TGFBR3: variants seen among roughly 807,000 people sequenced by gnomAD.
TGFBR3 encodes the protein transforming growth factor beta receptor type 3.
TGFBR3 carries 46 observed loss-of-function variants against 87.9 expected under a neutral mutation model. The ratio of observed to expected loss-of-function variants is 0.52; its 90% CI spans 0.41 to 0.67. TGFBR3 has a LOEUF of 0.67. Among genes scored for constraint, TGFBR3 ranks in the 30% least tolerant of loss-of-function variants. The probability of loss-of-function intolerance (pLI) is 0.00; values close to 1 mark genes in which losing one functional copy is unlikely to be tolerated. For missense variants in TGFBR3, 866 were observed against 1,041.9 expected (o/e 0.83, Z 2.32); for synonymous variants, 381 against 391.6 (o/e 0.97, Z 0.32).
chr1:91,881,925 G>A (rs1167311529), intron 1 of TGFBR3, among the ~76,000 whole-genome samples: 1 of 151,762 alleles, frequency 6.6e-6, no homozygotes, highest in African/African-American at 2.4e-5. Context: ...TGTGGTCCCC[G>A]CTACTCGGGA....
At chr1:91,850,579 G>C (rs1232852573) in intron 2 of TGFBR3, among the ~76,000 whole-genome samples, 2 of 152,052 alleles carry the variant, frequency 1.3e-5, no homozygotes, top group Non-Finnish European at 2.9e-5. Flanking sequence ...CCAGAAGTTT[G>C]AGACCAGCCT....
intron 3 of TGFBR3, among the ~76,000 whole-genome samples, chr1:91,789,641 T>C (rs1445354106): frequency 6.6e-6 from 1 of 152,218 alleles, no homozygotes. Flanking sequence ...GATTTCTGCT[T>C]TCACTTTTTC....
chr1:91,851,154 T>C (rs1196490668), intron 2 of TGFBR3, among the ~76,000 whole-genome samples: 1 of 152,158 alleles, frequency 6.6e-6, no homozygotes, highest in Admixed American at 6.5e-5. Flanking sequence ...TTAAAGATGT[T>C]TAAGAGCTGG....
chr1:91,684,711 T>C (rs1265674509), intron 16 of TGFBR3, among the ~76,000 whole-genome samples: 1 of 152,300 alleles, frequency 6.6e-6, no homozygotes, highest in East Asian at 1.9e-4. Flanking sequence ...AGAGTTAGTC[T>C]TCTCTTCGGC....
chr1:91,846,417 A>G (rs914026277), intron 2 of TGFBR3, among the ~76,000 whole-genome samples: 16 of 152,222 alleles, frequency 1.1e-4, no homozygotes, highest in Admixed American at 1.0e-3. Context: ...GGCCAGGCTG[A>G]GACCTGGCAG....
At chr1:91,854,532 G>A (rs1361981659) in intron 2 of TGFBR3, among the ~76,000 whole-genome samples, 1 of 151,796 alleles carries the variant, frequency 6.6e-6, no homozygotes, top group Admixed American at 6.6e-5. Context: ...CCTTCCTACA[G>A]CCCCCTATAA....
intron 1 of TGFBR3, among the ~76,000 whole-genome samples, chr1:91,879,206 T>G (rs1021948927): frequency 6.6e-6 from 1 of 151,826 alleles, no homozygotes; most frequent in East Asian, 1.9e-4. Flanking sequence ...GAGGCAGAGG[T>G]TGCAGTGAGC....
At chr1:91,738,424 G>C (rs144960944) in intron 4 of TGFBR3, among the ~76,000 whole-genome samples, 4 of 152,316 alleles carry the variant, frequency 2.6e-5, no homozygotes, top group Non-Finnish European at 5.9e-5. Context: ...CCCCATGAAT[G>C]GCTTAGGCCA....
chr1:91,887,553 G>A (rs1040109596), upstream of TGFBR3, among the ~76,000 whole-genome samples: 1 of 152,088 alleles, frequency 6.6e-6, no homozygotes, highest in Non-Finnish European at 1.5e-5. Context: ...GGCGTTAGCC[G>A]CTGCACCTGG....
chr1:91,821,175 C>G (rs1445494327), intron 2 of TGFBR3, among the ~76,000 whole-genome samples: 1 of 151,718 alleles, frequency 6.6e-6, no homozygotes, highest in Non-Finnish European at 1.5e-5. Flanking sequence ...ACTAAAAATA[C>G]AAACATTAGC....
chr1:91,832,879 A>C (rs185500580), intron 2 of TGFBR3, among the ~76,000 whole-genome samples: 9 of 152,010 alleles, frequency 5.9e-5, no homozygotes, highest in Non-Finnish European at 1.5e-5. Flanking sequence ...AAAATGGTAC[A>C]TGCCTGTAAT....
intron 2 of TGFBR3, among the ~76,000 whole-genome samples, chr1:91,815,119 T>C (rs1054621234): frequency 1.5e-4 from 23 of 152,192 alleles, no homozygotes; most frequent in African/African-American, 5.1e-4. Context: ...CTGGCCAACA[T>C]GGTGGAACCC....
chr1:91,728,740 G>A (rs1258753899), intron 6 of TGFBR3, among the ~76,000 whole-genome samples: 3 of 152,052 alleles, frequency 2.0e-5, no homozygotes, highest in East Asian at 3.9e-4. Context: ...TAGCTTACAC[G>A]CTTTGAAAGT....
chr1:91,707,087 G>T (rs2100747302), intron 14 of TGFBR3, among the ~76,000 whole-genome samples: 1 of 152,340 alleles, frequency 6.6e-6, no homozygotes, highest in East Asian at 1.9e-4. Flanking sequence ...TCTTCAAACA[G>T]CATAGTTGAG....
rs778674407 is a variant in TGFBR3, at chr1:91,727,641, C to G, written c.885+18G>C. ...TCATTTATCTAAACAAAACAAAAGA[C>G]ATGCTCCACCAACTTACAATAATTT... On this transcript the variant is annotated intron_variant, in intron 7 of 16. Transcript: ENST00000212355. 1 of 1,613,896 alleles carries G rather than the reference C, an allele frequency of 6.2e-7. No individual in the cohort carries two copies. Among genetic ancestry groups the G allele is most frequent in the African/African-American group, 1.3e-5 (1 of 74,930 alleles).
chr1:91,733,755 G>A (rs1202849105), intron 5 of TGFBR3, among the ~76,000 whole-genome samples: 1 of 152,180 alleles, frequency 6.6e-6, no homozygotes, highest in African/African-American at 2.4e-5. Flanking sequence ...AAAAAGGTCT[G>A]GCCAGGTGCG....
intron 12 of TGFBR3, among the ~76,000 whole-genome samples, chr1:91,715,385 G>A (rs1162207620): frequency 1.3e-5 from 2 of 152,208 alleles, no homozygotes; most frequent in African/African-American, 4.8e-5. Flanking sequence ...CGGCCTATGA[G>A]CACTGAATCT....
In TGFBR3 at chr1:91,695,728, G is replaced by T; in HGVS notation, c.2381C>A (p.Ala794Asp). Residue 794 changes from alanine (A) to aspartate (D), a missense_variant, in exon 16 of 17, where the codon GCC becomes GAC. Transcript: ENST00000212355. ...TLTVMGIAFA[A>D]FVIGALLTGA... ...CGTCAGGAGTGCTCCGATCACAAAG[G>T]CTGCAAACGCAATGCCCATCACGGT... is the stretch of plus-strand genomic sequence containing the variant. 6.2e-7 allele frequency: 1 copy of T among 1,614,172 alleles called. No homozygotes were observed. Among genetic ancestry groups the T allele is most frequent in the Admixed American group, 1.7e-5 (1 of 60,020 alleles).
chr1:91,869,428 G>A (rs1380742686), intron 1 of TGFBR3, among the ~76,000 whole-genome samples: 1 of 152,160 alleles, frequency 6.6e-6, no homozygotes, highest in African/African-American at 2.4e-5. Flanking sequence ...ACTTTGGTAG[G>A]CCAAGGTGGG....
Sources: gnomAD v4.1 joint callset for allele counts (sites outside exome capture counted in the v4.1 genomes callset) on GRCh38, gnomAD v4.1.1 for gene constraint, MANE v1.5 for transcripts, NCBI Gene and HGNC (gene_info 2026-07-23, HGNC 2026-07-21) for gene names.